CD1B: variants seen among roughly 807,000 people sequenced by gnomAD.
CD1B encodes CD1b molecule, also known as T-cell surface glycoprotein CD1b.
Under a neutral mutation model 39.8 loss-of-function variants are expected in CD1B, and 43 were observed. That is an observed-to-expected ratio of 1.08 (90% confidence interval 0.85 to 1.39). CD1B has a LOEUF of 1.39. Among genes scored for constraint, CD1B ranks in the 40% most tolerant of loss-of-function variants. The pLI is 0.00. For missense variants in CD1B, 495 were observed against 403.8 expected, an observed-to-expected ratio of 1.23 and a Z score of -1.94; for synonymous variants, 192 against 152.5, an observed-to-expected ratio of 1.26 and a Z score of -1.91.
At chr1:158,303,050 C>G in the CD1B span, among the ~76,000 whole-genome samples, 1 of 152,056 alleles carries the variant, frequency 6.6e-6, no homozygotes, top group African/African-American at 2.4e-5. Context: ...ATTAGCAAAG[C>G]AAATCCAGGA....
Position 158,330,891 on chromosome 1 carries a change from T to C in CD1B, c.233A>G (p.Asp78Gly), listed in dbSNP as rs767171448. The part of the protein sequence containing the change: ...LKPWSKGNFS[D>G]KEVAELEEIF... ...CTCCTCTAACTCAGCAACCTCCTTA[T>C]CACTAAAGTTACCTTTAGACCAAGG... Residue 78 changes from aspartate to glycine, a missense_variant, in exon 2 of 6, where the codon GAT (aspartate) becomes GGT (glycine). Transcript: ENST00000368168. 5.0e-6 allele frequency: 8 copies of C among 1,613,884 alleles called. No individual in the cohort carries two copies. Among genetic ancestry groups the C allele is most frequent in the East Asian group, 4.5e-5 (2 of 44,884 alleles).
the CD1B span, among the ~76,000 whole-genome samples, chr1:158,314,419 T>C: frequency 1.3e-5 from 2 of 152,124 alleles, no homozygotes; most frequent in Non-Finnish European, 2.9e-5. Context: ...TCTTCTTTGT[T>C]ATTCTTTTGT....
chr1:158,294,242 C>A, the CD1B span, among the ~76,000 whole-genome samples: 1 of 152,154 alleles, frequency 6.6e-6, no homozygotes, highest in Non-Finnish European at 1.5e-5. Context: ...TCAAGGCAAC[C>A]GTTGTGCTGT....
At chr1:158,330,737 C>CA (rs768679996) in intron 2 of CD1B, 59 bp downstream of exon 2, 3 of 1,563,520 alleles carry the variant, frequency 1.9e-6, no homozygotes, top group Admixed American at 1.7e-5. Context: ...CAACACTTTG[C>CA]AAAAAAGAGA....
At chr1:158,316,559 T>C in the CD1B span, among the ~76,000 whole-genome samples, 2 of 151,904 alleles carry the variant, frequency 1.3e-5, no homozygotes, top group African/African-American at 4.9e-5. Context: ...GATTTTGGGC[T>C]GAGACAATGG....
the CD1B span, among the ~76,000 whole-genome samples, chr1:158,311,245 T>C: frequency 6.6e-6 from 1 of 152,168 alleles, no homozygotes; most frequent in Admixed American, 6.6e-5. Context: ...TGATATCTCA[T>C]TGTGGTTTTG....
chr1:158,304,024 G>A, the CD1B span, among the ~76,000 whole-genome samples: 2 of 152,212 alleles, frequency 1.3e-5, no homozygotes, highest in South Asian at 2.1e-4. Flanking sequence ...CGACACAGAA[G>A]ACGGGTGATT....
the CD1B span, among the ~76,000 whole-genome samples, chr1:158,301,236 CTT>C: frequency 2.0e-5 from 3 of 152,018 alleles, no homozygotes; most frequent in South Asian, 6.2e-4. Context: ...GGTCTTGACT[CTT>C]TATCCAATTT....
At chr1:158,316,697 G>A in the CD1B span, among the ~76,000 whole-genome samples, 10 of 150,908 alleles carry the variant, frequency 6.6e-5, no homozygotes, top group Non-Finnish European at 1.2e-4. Flanking sequence ...ACACTATGTT[G>A]AATAGGAGTG....
chr1:158,292,823 T>G, the CD1B span: 1 of 1,614,214 alleles, frequency 6.2e-7, no homozygotes. Context: ...TGGCCTGTCT[T>G]GTCGAGTGAG....
At chr1:158,298,261 C>T in the CD1B span, among the ~76,000 whole-genome samples, 2 of 152,018 alleles carry the variant, frequency 1.3e-5, no homozygotes, top group Non-Finnish European at 2.9e-5. Context: ...ACTTAGAGAC[C>T]CACAAAGAAG....
At chr1:158,296,216 G>A in the CD1B span, among the ~76,000 whole-genome samples, 1 of 150,388 alleles carries the variant, frequency 6.6e-6, no homozygotes, top group East Asian at 2.0e-4. Context: ...CTAGTGGACT[G>A]GGAGCACCTT....
chr1:158,317,428 T>A, the CD1B span, among the ~76,000 whole-genome samples: 1,851 of 152,144 alleles, frequency 0.012, 38 homozygotes, highest in African/African-American at 0.04. Context: ...CATTTCTTCT[T>A]GATTTTCTAG....
chr1:158,311,773 T>A, the CD1B span, among the ~76,000 whole-genome samples: 1 of 152,206 alleles, frequency 6.6e-6, no homozygotes, highest in Non-Finnish European at 1.5e-5. Context: ...CCAATGTGTG[T>A]CTTGGCACTT....
the CD1B span, chr1:158,290,991 G>C: frequency 1.1e-4 from 91 of 839,456 alleles, no homozygotes; most frequent in South Asian, 1.6e-3. Flanking sequence ...AGAGCATGGG[G>C]CTCTGTGTAA....
chr1:158,308,263 C>A, the CD1B span, among the ~76,000 whole-genome samples: 1 of 152,088 alleles, frequency 6.6e-6, no homozygotes, highest in Non-Finnish European at 1.5e-5. Context: ...ACCTAGGAAT[C>A]CAACTTACAA....
chr1:158,307,793 G>A, the CD1B span, among the ~76,000 whole-genome samples: 1 of 151,994 alleles, frequency 6.6e-6, no homozygotes, highest in Non-Finnish European at 1.5e-5. Flanking sequence ...AACCCTTCAT[G>A]CTAAAAACTC....
chr1:158,299,460 T>C, the CD1B span, among the ~76,000 whole-genome samples: 1 of 151,906 alleles, frequency 6.6e-6, no homozygotes, highest in East Asian at 1.9e-4. Flanking sequence ...ATCGGGGACA[T>C]TGGTCTAAAA....
At chr1:158,317,146 G>A in the CD1B span, among the ~76,000 whole-genome samples, 12 of 151,986 alleles carry the variant, frequency 7.9e-5, no homozygotes, top group Non-Finnish European at 1.3e-4. Context: ...GTCTCTGCCC[G>A]GCTTTGGTAT....
Sources: allele counts gnomAD v4.1 joint callset (sites outside exome capture counted in the v4.1 genomes callset), GRCh38; gene constraint gnomAD v4.1.1; transcripts MANE v1.5; gene names NCBI Gene and HGNC (gene_info 2026-07-23, HGNC 2026-07-21).